LCT: variants seen among roughly 807,000 people sequenced by gnomAD.
The protein encoded by LCT is lactase/phlorizin hydrolase.
A neutral mutation model predicts 173.0 loss-of-function variants in LCT; 90 were observed. The ratio of observed to expected loss-of-function variants is 0.52; its 90% CI spans 0.44 to 0.62. The LOEUF is 0.62. LCT is among the 20% of genes least tolerant of loss of function. The pLI, the probability that LCT is intolerant of heterozygous loss-of-function variation, is 0.00. For missense variants in LCT, 1,864 were observed against 2,431.4 expected, an observed-to-expected ratio of 0.77 and a Z score of 4.91; for synonymous variants, 853 against 957.6, an observed-to-expected ratio of 0.89 and a Z score of 2.02.
chr2:135,794,407 A>G (rs921508270), intron 14 of LCT: 3 of 503,252 alleles, frequency 6.0e-6, no homozygotes, highest in Non-Finnish European at 1.1e-5. Context: ...TAAAAAAACA[A>G]AAAGCCAAGC....
At position 135,835,976 on chromosome 2, in the gene LCT, G is replaced by GTATATAAATATATATA. The variant is rs1553436125; in HGVS notation, c.640+553_640+554insTATATATATTTATATA. 5.5e-4 allele frequency among the ~76,000 whole-genome samples: 44 copies of GTATATAAATATATATA among 80,450 alleles called. 4 individuals are homozygous for GTATATAAATATATATA. Among genetic ancestry groups the GTATATAAATATATATA allele is most frequent in the African/African-American group, 2.8e-3 (42 of 15,028 alleles). 52.8% of individuals were successfully genotyped at this position (80,450 alleles called of 152,430 possible). A position where few individuals can be genotyped will look rare whatever the true frequency, so the allele number is the denominator to read the frequency against. Reference sequence around the variant, plus strand: ...AGGGGTATTTCAAAAATACATGTGTGTATATATATATATATATATATATAT... The same window carrying GTATATAAATATATATA: ...AGGGGTATTTCAAAAATACATGTGTGTATATAAATATATATATATATATATATATATATATATATAT... On this transcript the variant is annotated intron_variant, in intron 1 of 16. Transcript: ENST00000264162.
chr2:135,810,762 C>T (rs1268364140), intron 7 of LCT, among the ~76,000 whole-genome samples: 2 of 148,844 alleles, frequency 1.3e-5, no homozygotes, highest in Non-Finnish European at 3.0e-5. Flanking sequence ...CGTGGTGGCT[C>T]ACGCCTGTAA....
chr2:135,812,329 T>C lies in LCT; in HGVS notation c.2335A>G (p.Ile779Val). The change falls in exon 7 of 17, where the codon ATC (isoleucine) becomes GTC (valine). Residue 779 changes from isoleucine to valine, a missense_variant. Ile to Val is a conservative substitution (Grantham distance 29). Coordinates refer to ENST00000264162, the MANE Select transcript of LCT (RefSeq NM_002299.4). ...SLRVDYFNQY[I>V]NEVLKAIKED... ...TTCTTACCCTTGAGCACCTCATTGATATATTGATTGAAGTAGTCTACTCTT... is the reference window on the plus strand; with the variant it reads ...TTCTTACCCTTGAGCACCTCATTGACATATTGATTGAAGTAGTCTACTCTT... 1 of 1,613,658 alleles carries C rather than the reference T, an allele frequency of 6.2e-7. No homozygotes were observed.
At position 135,817,826 on chromosome 2, in the gene LCT, C is replaced by T. The variant is rs185361924; in HGVS notation, c.1222G>A (p.Val408Met). 9.9e-6 allele frequency: 16 copies of T among 1,614,064 alleles called. No individual in the cohort carries two copies. The highest frequency in any genetic ancestry group is 1.6e-4 in the Middle Eastern group (1 of 6,062). The change falls in exon 6 of 17, where the codon GTG becomes ATG. Residue 408 changes from valine to methionine, a missense_variant. Around this residue, in one of 4 missense-constraint regions of LCT, gnomAD observed 183 missense variants for 293.1 expected, o/e 0.62. Coordinates refer to ENST00000264162, the MANE Select transcript of LCT (RefSeq NM_002299.4). ...EGGWAEGGRG[V>M]SIWDPRRPLN... Reference sequence around the variant, plus strand: ...GGCCTGCGTGGATCCCAGATGCTCACCCCTCTCCCACCCTCGGCCCAGCCT... The same window carrying T: ...GGCCTGCGTGGATCCCAGATGCTCATCCCTCTCCCACCCTCGGCCCAGCCT...
At chr2:135,827,226 G>C (rs1025240574) in intron 3 of LCT, among the ~76,000 whole-genome samples, 5 of 152,160 alleles carry the variant, frequency 3.3e-5, no homozygotes, top group Admixed American at 3.3e-4. Flanking sequence ...TGATCCGCCT[G>C]CCTCAACCTC....
At chr2:135,810,092 C>T in intron 7 of LCT, 99 bp from the exon 8 acceptor site, 1 of 808,182 alleles carries the variant, frequency 1.2e-6, no homozygotes. Context: ...AACTCCTGGA[C>T]TCAAGTGATC....
chr2:135,825,705 C>T (rs542093181), intron 3 of LCT, among the ~76,000 whole-genome samples: 4 of 152,256 alleles, frequency 2.6e-5, no homozygotes, highest in South Asian at 2.1e-4. Context: ...AGCTGTGTGC[C>T]GTTGGGGAGT....
In LCT at chr2:135,836,873, T is replaced by G; in HGVS notation, c.297A>C (p.Ala99=). Residue 99 remains alanine, a synonymous_variant, in exon 1 of 17, where the codon GCA becomes GCC. Coordinates refer to ENST00000264162, the MANE Select transcript of LCT (RefSeq NM_002299.4). ...VFLSWAQLLP[A]GSTQNPDEKT... is the part of the protein sequence containing the mutation. ...TCTCGTCTGGATTCTGGGTGCTTCC[T>G]GCTGGGAGGAGCTGTGCCCATGACA... 14 of 1,614,194 alleles carry G rather than the reference T, an allele frequency of 8.7e-6. No homozygotes were observed. The highest frequency in any genetic ancestry group is 1.2e-5 in the Non-Finnish European group (14 of 1,180,038).
intron 1 of LCT, among the ~76,000 whole-genome samples, chr2:135,835,482 GTATATATATATATATATATATATATATA>G (rs55900419): frequency 0.43 from 29,267 of 68,200 alleles, 4,860 homozygotes; most frequent in East Asian, 0.61. Flanking sequence ...GAACATAGAA[GTATATATATATATATATATATATATATA>G]TATATATATA....
chr2:135,807,413 G>A lies in LCT; in HGVS notation c.3905-17C>T, dbSNP rs752743588. The A allele has an allele frequency of 2.9e-5, 46 of 1,613,720 alleles. No homozygotes were observed. Among genetic ancestry groups the A allele is most frequent in the Non-Finnish European group, 3.7e-5 (44 of 1,179,892 alleles). On this transcript the variant is annotated splice_polypyrimidine_tract_variant and intron_variant, in intron 8 of 16. Transcript: ENST00000264162. The stretch of plus-strand genomic sequence containing the variant: ...GCCTGTAGGCTGGGAACATCCCAAA[G>A]GGAGCAGAGGAGAGCTTGACACCAG...
intron 8 of LCT, among the ~76,000 whole-genome samples, chr2:135,808,047 A>G (rs1053892211): frequency 6.6e-6 from 1 of 152,140 alleles, no homozygotes; most frequent in Non-Finnish European, 1.5e-5. Flanking sequence ...CTCAAAAAAA[A>G]AAAAGGAAGT....
In LCT at chr2:135,820,963, C is replaced by A. The variant is rs562410174; in HGVS notation, c.986+1057G>T. 1.1e-4 allele frequency among the ~76,000 whole-genome samples: 16 copies of A among 152,050 alleles called. No individual in the cohort carries two copies. The East Asian group carries it at 3.1e-3, about 29-fold the overall frequency. ...TGGCGCGATCTCAGCTCACTGCAAGCTCTGCCTCCAGGGTTCACACCATTC... is the reference window on the plus strand; with the variant it reads ...TGGCGCGATCTCAGCTCACTGCAAGATCTGCCTCCAGGGTTCACACCATTC... On this transcript the variant is annotated intron_variant, in intron 5 of 16. Transcript: ENST00000264162.
chr2:135,790,628 G>A lies in LCT; in HGVS notation c.5335+30C>T, dbSNP rs770809351. On this transcript the variant is annotated intron_variant, in intron 15 of 16. Transcript: ENST00000264162. The surrounding 1 kb of genome is among the most constrained non-coding windows in gnomAD (Gnocchi z 4.1). The stretch of plus-strand genomic sequence containing the variant: ...GCAGATGTTTCCAACAGGGGAAGGT[G>A]CACGCTGGGGAAGGGCGGGCCCGTC... 5.0e-6 allele frequency: 7 copies of A among 1,405,036 alleles called. No individual in the cohort carries two copies. In the East Asian group the frequency reaches 9.1e-5, roughly 18 times the overall value. 87.0% of individuals were successfully genotyped at this position (1,405,036 alleles called of 1,614,324 possible).
At chr2:135,804,658 A>G (rs2077653865) in intron 10 of LCT, 109 bp downstream of exon 10, 14 of 1,120,258 alleles carry the variant, frequency 1.2e-5, no homozygotes, top group Middle Eastern at 2.9e-4. Context: ...CAATAACAAC[A>G]AAAGCTAAAT....
chr2:135,811,194 TA>T (rs1289464978), intron 7 of LCT, among the ~76,000 whole-genome samples: 2 of 151,854 alleles, frequency 1.3e-5, no homozygotes, highest in South Asian at 2.1e-4. Flanking sequence ...AGACCCTGTC[TA>T]AAAAAATTAA....
At position 135,809,932 on chromosome 2, in the gene LCT, G is replaced by A. The variant is rs772265393; in HGVS notation, c.2415C>T (p.Phe805=). ...SYIARSLIDG[F]EGPSGYSQRF... is the part of the protein sequence containing the mutation. ...GCTGGCTGTAACCAGAAGGGCCTTC[G>A]AAGCCATCAATGAGGGAACGAGCAA... The change falls in exon 8 of 17, where the codon TTC becomes TTT. Residue 805 remains phenylalanine, a synonymous_variant. Coordinates refer to ENST00000264162, the MANE Select transcript of LCT (RefSeq NM_002299.4). This position sits in a 1 kb window ranked among gnomAD's most constrained non-coding sequence, Gnocchi z 5.5. 14 of 1,614,040 alleles carry A rather than the reference G, an allele frequency of 8.7e-6. No individual in the cohort carries two copies. Among genetic ancestry groups the A allele is most frequent in the South Asian group, 3.3e-5 (3 of 91,080 alleles).
chr2:135,831,784 CACA>C (rs1293697031), intron 2 of LCT, among the ~76,000 whole-genome samples: 1 of 152,296 alleles, frequency 6.6e-6, no homozygotes, highest in African/African-American at 2.4e-5. Flanking sequence ...CAATGAGCAG[CACA>C]ACATCTCTAC....
Position 135,790,522 on chromosome 2 carries a change from C to A in LCT, c.5335+136G>T. On this transcript the variant is annotated intron_variant, in intron 15 of 16. Coordinates refer to ENST00000264162, the MANE Select transcript of LCT (RefSeq NM_002299.4). This position sits in a 1 kb window ranked among gnomAD's most constrained non-coding sequence, Gnocchi z 4.1. ...CTCAGAGTGCGGCCCTAAAGCAAAG[C>A]TTAACCCCCACAGGAGCAAGAAGGC... 1.5e-6 allele frequency: 1 copy of A among 656,822 alleles called. No individual in the cohort carries two copies. The allele number at this position is 656,822 out of a possible 1,614,324, so 40.7% of individuals were successfully genotyped here. A position where few individuals can be genotyped will look rare whatever the true frequency, so the allele number is the denominator to read the frequency against.
At chr2:135,826,824 A>C (rs1269261153) in intron 3 of LCT, among the ~76,000 whole-genome samples, 1 of 152,342 alleles carries the variant, frequency 6.6e-6, no homozygotes, top group South Asian at 2.1e-4. Flanking sequence ...CGTAAGGCCC[A>C]GAAACCTTGT....
Sources: gnomAD v4.1 joint callset for allele counts (sites outside exome capture counted in the v4.1 genomes callset) on GRCh38, gnomAD v4.1.1 for gene constraint, gnomAD v4.1.1 regional missense constraint, Gnocchi (gnomAD v3.1) non-coding constraint, MANE v1.5 for transcripts, NCBI Gene and HGNC (gene_info 2026-07-23, HGNC 2026-07-21) for gene names.